Variants in CDIN1 observed in about 807,000 individuals in gnomAD.
CDIN1 encodes the protein CDAN1 interacting nuclease 1.
Under a neutral mutation model 45.3 loss-of-function variants are expected in CDIN1, and 33 were observed. The observed-to-expected ratio is 0.73, with a 90% CI of 0.55 to 0.97. The LOEUF is 0.97. CDIN1 is among the 50% of genes least tolerant of loss of function. The pLI, the probability that CDIN1 is intolerant of heterozygous loss-of-function variation, is 0.00. For missense variants in CDIN1, 303 were observed against 339.4 expected (o/e 0.89, Z 0.84); for synonymous variants, 118 against 124.4 (o/e 0.95, Z 0.34).
intron 10 of CDIN1, among the ~76,000 whole-genome samples, chr15:36,787,638 C>T (rs988448060): frequency 3.9e-5 from 6 of 152,082 alleles, no homozygotes; most frequent in African/African-American, 1.4e-4. Flanking sequence ...ATAAGTTGTT[C>T]TTATAGCACT....
chr15:36,806,389 G>T (rs2055226544), intron 10 of CDIN1, among the ~76,000 whole-genome samples: 1 of 152,044 alleles, frequency 6.6e-6, no homozygotes, highest in Non-Finnish European at 1.5e-5. Context: ...ATGTGTTTTT[G>T]TTTATTAAAT....
At chr15:36,756,323 T>A (rs1035052636) in intron 10 of CDIN1, among the ~76,000 whole-genome samples, 1 of 152,242 alleles carries the variant, frequency 6.6e-6, no homozygotes, top group Non-Finnish European at 1.5e-5. Flanking sequence ...GAGATTATTT[T>A]TCAACTCCCT....
chr15:36,637,879 T>C (rs28523724), intron 1 of CDIN1, among the ~76,000 whole-genome samples: 1,900 of 152,236 alleles, frequency 0.012, 33 homozygotes, highest in African/African-American at 0.043. Flanking sequence ...AACTAACCTG[T>C]AGAACCTAAG....
chr15:36,627,843 A>G (rs2039507293), intron 1 of CDIN1: 1 of 152,060 alleles, frequency 6.6e-6, no homozygotes, highest in South Asian at 2.1e-4. Flanking sequence ...TGGGCGGCCC[A>G]CCAGGTTCAC....
At chr15:36,798,129 A>G (rs1402002935) in intron 10 of CDIN1, among the ~76,000 whole-genome samples, 4 of 151,538 alleles carry the variant, frequency 2.6e-5, no homozygotes, top group Admixed American at 2.6e-4. Context: ...TTGTGTATTC[A>G]TATATCCACT....
intron 1 of CDIN1, among the ~76,000 whole-genome samples, chr15:36,628,214 GTT>G (rs928446104): frequency 3.8e-4 from 58 of 152,160 alleles, no homozygotes; most frequent in African/African-American, 1.3e-3. Flanking sequence ...TTTGTGGTCA[GTT>G]TTTCCCCCCT....
At chr15:36,651,082 A>T (rs2040558480) in intron 3 of CDIN1, among the ~76,000 whole-genome samples, 2 of 152,146 alleles carry the variant, frequency 1.3e-5, no homozygotes, top group Admixed American at 1.3e-4. Context: ...ATAAAAAAAA[A>T]TACAGTCTTT....
chr15:36,740,124 T>G (rs1406231805), intron 10 of CDIN1, among the ~76,000 whole-genome samples: 10 of 152,214 alleles, frequency 6.6e-5, no homozygotes, highest in Non-Finnish European at 1.2e-4. Context: ...TATTAACGGC[T>G]CTGAGAAATT....
In CDIN1 at chr15:36,607,894, C is replaced by T. The variant is rs190516744; in HGVS notation, c.101+27933C>T. ...CACACTGGCTCAGTTCAGTCCTAGG[C>T]GATCACTAATCTACTAGATGTTTCT... On this transcript the variant is annotated intron_variant, in intron 1 of 10. Coordinates refer to ENST00000566621, the MANE Select transcript of CDIN1 (RefSeq NM_001321759.2). 3.9e-5 allele frequency among the ~76,000 whole-genome samples: 6 copies of T among 152,232 alleles called. No individual in the cohort carries two copies. The East Asian group carries it at 9.7e-4, about 25-fold the overall frequency.
chr15:36,725,219 A>G (rs2043579937), intron 10 of CDIN1, among the ~76,000 whole-genome samples: 1 of 152,194 alleles, frequency 6.6e-6, no homozygotes, highest in South Asian at 2.1e-4. Context: ...TCCTTCACAG[A>G]TAAACACACT....
At chr15:36,707,563 G>T (rs1055559173) in intron 8 of CDIN1, 4 of 151,908 alleles carry the variant, frequency 2.6e-5, no homozygotes, top group African/African-American at 9.7e-5. Flanking sequence ...ATGTGCATTT[G>T]GATTGCTTGG....
intron 1 of CDIN1, among the ~76,000 whole-genome samples, chr15:36,633,850 C>G (rs139754706): frequency 6.6e-6 from 1 of 151,540 alleles, no homozygotes; most frequent in African/African-American, 2.4e-5. Flanking sequence ...CTCTGTCTCC[C>G]GGGTTCAAGC....
chr15:36,633,789 A>G (rs931884726), intron 1 of CDIN1, among the ~76,000 whole-genome samples: 2 of 147,372 alleles, frequency 1.4e-5, no homozygotes, highest in Non-Finnish European at 3.0e-5. Flanking sequence ...ACAGAGTCTC[A>G]CTCTGTCACC....
chr15:36,604,343 G>T (rs2038251889), intron 1 of CDIN1, among the ~76,000 whole-genome samples: 1 of 144,936 alleles, frequency 6.9e-6, no homozygotes. Flanking sequence ...TTCTAAATTT[G>T]ATTACCATGT....
intron 10 of CDIN1, among the ~76,000 whole-genome samples, chr15:36,780,940 T>G (rs112059710): frequency 5.3e-5 from 8 of 152,286 alleles, no homozygotes; most frequent in African/African-American, 1.7e-4. Context: ...ATGAACTTTC[T>G]CCCTGCATAG....
At chr15:36,789,864 C>T (rs1442740856) in intron 10 of CDIN1, among the ~76,000 whole-genome samples, 1 of 152,198 alleles carries the variant, frequency 6.6e-6, no homozygotes, top group African/African-American at 2.4e-5. Flanking sequence ...CTACCAAAGT[C>T]AGTCCTAGAA....
At chr15:36,802,875 C>T (rs942415502) in intron 10 of CDIN1, among the ~76,000 whole-genome samples, 1 of 152,152 alleles carries the variant, frequency 6.6e-6, no homozygotes, top group African/African-American at 2.4e-5. Flanking sequence ...AGAATTTACT[C>T]ACTGAAGTAC....
intron 5 of CDIN1, among the ~76,000 whole-genome samples, chr15:36,675,073 G>A (rs1451057068): frequency 6.6e-6 from 1 of 152,012 alleles, no homozygotes; most frequent in Non-Finnish European, 1.5e-5. Context: ...AATACTCCAA[G>A]CTCAGGATAC....
intron 10 of CDIN1, among the ~76,000 whole-genome samples, chr15:36,754,340 T>C (rs1001012400): frequency 2.0e-5 from 3 of 152,256 alleles, no homozygotes; most frequent in Admixed American, 1.3e-4. Flanking sequence ...ATTATAAGGC[T>C]GTTAATGTGT....
Sources: allele counts gnomAD v4.1 joint callset (sites outside exome capture counted in the v4.1 genomes callset), GRCh38; gene constraint gnomAD v4.1.1; transcripts MANE v1.5; gene names NCBI Gene and HGNC (gene_info 2026-07-23, HGNC 2026-07-21).